The following RALGPS1 variants were observed in gnomAD, a reference collection of about 807,000 sequenced individuals.
RALGPS1 encodes ras-specific guanine nucleotide-releasing factor RalGPS1.
Under a neutral mutation model 78.8 loss-of-function variants are expected in RALGPS1, and 19 were observed. The ratio of observed to expected loss-of-function variants is 0.24; its 90% CI spans 0.17 to 0.35. The LOEUF is 0.35. RALGPS1 is among the 10% of genes least tolerant of loss of function. RALGPS1 has a pLI of 1.00. For missense variants in RALGPS1, 454 were observed against 688.3 expected (o/e 0.66, Z 3.81); for synonymous variants, 228 against 256.3 (o/e 0.89, Z 1.06).
intron 11 of RALGPS1, among the ~76,000 whole-genome samples, chr9:127,191,720 T>C (rs1358726549): frequency 1.8e-4 from 24 of 136,694 alleles, no homozygotes; most frequent in Non-Finnish European, 3.1e-4. Flanking sequence ...TTTTTTGAGA[T>C]GGAGTCTCAC....
At position 127,220,100 on chromosome 9, in the gene RALGPS1, C is replaced by G. The variant is rs1406013080; in HGVS notation, c.*1331C>G. 1 of 152,614 alleles carries G rather than the reference C, an allele frequency of 6.6e-6. No individual in the cohort carries two copies. Among genetic ancestry groups the G allele is most frequent in the East Asian group, 1.9e-4 (1 of 5,204 alleles). 9.5% of individuals were successfully genotyped at this position (152,614 alleles called of 1,614,324 possible). A position where few individuals can be genotyped will look rare whatever the true frequency, so the allele number is the denominator to read the frequency against. On this transcript the variant is annotated 3_prime_UTR_variant, in exon 19 of 19. Transcript: ENST00000259351. ...AATTTTTATTCAGAATAATAAATCA[C>G]TCTTTATCATAGTATCTTCTCTTCC...
At chr9:126,983,239 A>G (rs1470724591) in intron 4 of RALGPS1, among the ~76,000 whole-genome samples, 1 of 151,014 alleles carries the variant, frequency 6.6e-6, no homozygotes, top group Non-Finnish European at 1.5e-5. Flanking sequence ...GCCCAGCCCT[A>G]TTCTTTTTAA....
At chr9:127,098,396 C>T (rs779105331) in intron 8 of RALGPS1, among the ~76,000 whole-genome samples, 8 of 152,096 alleles carry the variant, frequency 5.3e-5, no homozygotes, top group South Asian at 2.1e-4. Flanking sequence ...GCGAGTGCTG[C>T]GACCTCATCT....
chr9:127,132,079 T>C (rs1280432371), intron 8 of RALGPS1, among the ~76,000 whole-genome samples: 3 of 152,180 alleles, frequency 2.0e-5, no homozygotes, highest in African/African-American at 7.2e-5. Flanking sequence ...AACCTGCATC[T>C]GAGAGCTGTT....
intron 4 of RALGPS1, among the ~76,000 whole-genome samples, chr9:126,983,680 G>T (rs1409464291): frequency 6.6e-6 from 1 of 152,044 alleles, no homozygotes; most frequent in Admixed American, 6.5e-5. Flanking sequence ...TTTTATTCTA[G>T]TGTAGTCCAT....
chr9:127,150,543 G>A (rs577517077), intron 8 of RALGPS1, among the ~76,000 whole-genome samples: 8 of 152,320 alleles, frequency 5.3e-5, no homozygotes, highest in South Asian at 2.1e-4. Context: ...CCTGTGCAGA[G>A]TGGGCATTTG....
intron 8 of RALGPS1, among the ~76,000 whole-genome samples, chr9:127,144,441 C>G (rs150688942): frequency 6.6e-6 from 1 of 152,172 alleles, no homozygotes; most frequent in African/African-American, 2.4e-5. Flanking sequence ...ATCAAACTTA[C>G]GATTTCACTC....
At chr9:127,015,550 G>A (rs2044736529) in intron 4 of RALGPS1, among the ~76,000 whole-genome samples, 1 of 152,118 alleles carries the variant, frequency 6.6e-6, no homozygotes, top group Non-Finnish European at 1.5e-5. Context: ...CTGGCGGTTG[G>A]TTATCTCAGT....
intron 5 of RALGPS1, among the ~76,000 whole-genome samples, chr9:127,048,940 T>C (rs769287409): frequency 6.6e-6 from 1 of 152,212 alleles, no homozygotes; most frequent in Non-Finnish European, 1.5e-5. Flanking sequence ...AAAAGCACAT[T>C]GTTGATTCTT....
chr9:127,057,738 C>T (rs2048861215), intron 7 of RALGPS1, among the ~76,000 whole-genome samples: 2 of 152,220 alleles, frequency 1.3e-5, no homozygotes, highest in African/African-American at 2.4e-5. Context: ...GTTATTCATT[C>T]TGCAAATCAA....
intron 8 of RALGPS1, among the ~76,000 whole-genome samples, chr9:127,097,722 T>C (rs928093270): frequency 6.6e-6 from 1 of 152,230 alleles, no homozygotes; most frequent in Non-Finnish European, 1.5e-5. Context: ...AGCTGTTCCA[T>C]ATAAATAATG....
chr9:127,048,345 C>T (rs906220078), intron 5 of RALGPS1, among the ~76,000 whole-genome samples: 2 of 152,214 alleles, frequency 1.3e-5, no homozygotes, highest in East Asian at 1.9e-4. Context: ...CTATCTTCTT[C>T]GAGAAGCCTT....
intron 8 of RALGPS1, among the ~76,000 whole-genome samples, chr9:127,105,066 C>T (rs1309927588): frequency 3.3e-5 from 5 of 152,194 alleles, no homozygotes; most frequent in African/African-American, 9.6e-5. Flanking sequence ...CCCCCAGCTG[C>T]TCTCTTCCTG....
At chr9:127,174,983 G>T (rs1266175334) in intron 11 of RALGPS1, among the ~76,000 whole-genome samples, 1 of 152,178 alleles carries the variant, frequency 6.6e-6, no homozygotes, top group Non-Finnish European at 1.5e-5. Flanking sequence ...CTGTGCCGGG[G>T]CTCCCTGGAA....
At chr9:127,097,662 G>A (rs1180390132) in intron 8 of RALGPS1, among the ~76,000 whole-genome samples, 4 of 152,216 alleles carry the variant, frequency 2.6e-5, no homozygotes, top group Admixed American at 2.6e-4. Context: ...ATCCTACTTT[G>A]ATGAGAAATC....
intron 1 of RALGPS1, among the ~76,000 whole-genome samples, chr9:126,947,449 T>C (rs2037385836): frequency 6.6e-6 from 1 of 152,188 alleles, no homozygotes. Flanking sequence ...TTTGGGATGC[T>C]CAGCTGGTAA....
chr9:127,069,126 T>C, intron 7 of RALGPS1, 104 bp from the exon 8 acceptor site: 1 of 1,160,928 alleles, frequency 8.6e-7, no homozygotes, highest in Admixed American at 2.2e-5. Flanking sequence ...CGGCACACCA[T>C]AGATATGTCA....
intron 4 of RALGPS1, among the ~76,000 whole-genome samples, chr9:127,005,899 C>T (rs1588973343): frequency 6.6e-6 from 1 of 152,314 alleles, no homozygotes; most frequent in East Asian, 1.9e-4. Flanking sequence ...CCTTCTCCTG[C>T]TGGAAGAAAT....
intron 4 of RALGPS1, chr9:126,989,818 T>G (rs2042121085): frequency 2.6e-6 from 4 of 1,526,610 alleles, no homozygotes; most frequent in Middle Eastern, 1.7e-4. Context: ...ATTTCACCCT[T>G]CCTGCATCAG....
Sources: allele counts gnomAD v4.1 joint callset (sites outside exome capture counted in the v4.1 genomes callset), GRCh38; gene constraint gnomAD v4.1.1; transcripts MANE v1.5; gene names NCBI Gene and HGNC (gene_info 2026-07-23, HGNC 2026-07-21).